The following SLC35E4 variants were observed in gnomAD, a reference collection of about 807,000 sequenced individuals.
SLC35E4 encodes the protein solute carrier family 35, member E4.
SLC35E4 carries 15 observed loss-of-function variants against 19.3 expected under a neutral mutation model. That is an observed-to-expected ratio of 0.78 (90% CI 0.52 to 1.20). The LOEUF is 1.20. Ranked by LOEUF, SLC35E4 falls within the 50% of genes most tolerant of loss-of-function variation. The pLI, the probability that SLC35E4 is intolerant of heterozygous loss-of-function variation, is 0.00. For synonymous variants in SLC35E4, 219 were observed against 219.9 expected (o/e 1.00, Z 0.04); for missense variants, 406 against 472.3 (o/e 0.86, Z 1.30).
chr22:30,638,457 G>A (rs866547833), intron 1 of SLC35E4, among the ~76,000 whole-genome samples: 10 of 121,718 alleles, frequency 8.2e-5, no homozygotes, highest in African/African-American at 2.6e-4. Flanking sequence ...AGCCAAGATC[G>A]CCCCACTGCA....
chr22:30,644,007 G>T (rs1420984165), intron 1 of SLC35E4, among the ~76,000 whole-genome samples: 1 of 152,178 alleles, frequency 6.6e-6, no homozygotes, highest in East Asian at 1.9e-4. Context: ...GAGGAGATGG[G>T]TGGGAAGTTT....
chr22:30,653,970 C>CT (rs2088277579), intron 2 of SLC35E4: 1 of 160,874 alleles, frequency 6.2e-6, no homozygotes, highest in Admixed American at 6.5e-5. Context: ...GCCTCATTAG[C>CT]TGTTTTGTTT....
downstream of SLC35E4, among the ~76,000 whole-genome samples, chr22:30,650,186 G>T (rs1000636128): frequency 3.0e-5 from 4 of 131,594 alleles, no homozygotes; most frequent in African/African-American, 1.2e-4. Context: ...ACAAAAATTA[G>T]CTGGGCATGG....
chr22:30,651,443 T>G (rs1437445928), downstream of SLC35E4, among the ~76,000 whole-genome samples: 1 of 99,128 alleles, frequency 1.0e-5, no homozygotes, highest in African/African-American at 3.6e-5. Flanking sequence ...TTTTTTTTTT[T>G]TTTTTTTTTT....
chr22:30,641,554 A>T (rs867365541), intron 1 of SLC35E4, among the ~76,000 whole-genome samples: 30 of 146,736 alleles, frequency 2.0e-4, no homozygotes, highest in African/African-American at 5.0e-4. Context: ...TTATTTTATT[A>T]TTTTTTTTTT....
downstream of SLC35E4, chr22:30,663,635 G>A (rs572091331): frequency 4.0e-5 from 64 of 1,614,254 alleles, no homozygotes; most frequent in East Asian, 1.6e-4. Context: ...GGGACATGGC[G>A]TGGTACTTCA....
downstream of SLC35E4, chr22:30,663,783 G>A (rs200899592): frequency 1.8e-4 from 286 of 1,614,198 alleles, no homozygotes; most frequent in Non-Finnish European, 2.3e-4. Context: ...TGAGTTAGGG[G>A]AGTCAGCCAC....
chr22:30,645,195 G>A (rs2088108000), intron 1 of SLC35E4, among the ~76,000 whole-genome samples: 1 of 152,192 alleles, frequency 6.6e-6, no homozygotes, highest in Non-Finnish European at 1.5e-5. Context: ...GGGACCCTCT[G>A]CTGGCCTGCC....
chr22:30,646,044 T>A (rs1322959397), intron 1 of SLC35E4, among the ~76,000 whole-genome samples: 2 of 150,806 alleles, frequency 1.3e-5, no homozygotes, highest in South Asian at 2.1e-4. Context: ...CTCAAACTCC[T>A]GGGCTCAAGC....
chr22:30,637,106 C>T, intron 1 of SLC35E4, 37 bp downstream of exon 1: 1 of 1,535,090 alleles, frequency 6.5e-7, no homozygotes. Flanking sequence ...AGGTGGGGGT[C>T]CGGGTGGGTG....
Position 30,636,364 on chromosome 22 carries a change from A to C in SLC35E4, c.-87A>C. ...GGGACACGGGGTCGGAGGAACCAGG[A>C]TCTAGCCTGGCCCCAAGCGGAACTC... On this transcript the variant is annotated 5_prime_UTR_variant, in exon 1 of 2. Transcript: ENST00000343605. 7.0e-7 allele frequency: 1 copy of C among 1,426,200 alleles called. No individual in the cohort carries two copies. The highest frequency in any genetic ancestry group is 9.2e-7 in the Non-Finnish European group (1 of 1,090,468). 88.3% of individuals were successfully genotyped at this position (1,426,200 alleles called of 1,614,324 possible).
Position 30,637,067 on chromosome 22 carries a change from A to G in SLC35E4, c.617A>G (p.Gln206Arg). The change falls in exon 1 of 2, where the codon CAA (glutamine) becomes CGA (arginine). Residue 206 changes from glutamine to arginine, a missense_variant and splice_region_variant. By Grantham distance (43) the Gln-to-Arg change is conservative. Transcript: ENST00000343605. ...TCLRGLKSVQQSALLQEERLD... is the reference protein window; with the variant it reads ...TCLRGLKSVQRSALLQEERLD... ...CTCCGCGGACTCAAGTCGGTTCAGC[A>G]AAGTAAGTGCCTGGGTGGCCAATTG... The G allele has an allele frequency of 6.4e-7, 1 of 1,560,502 alleles. No individual in the cohort carries two copies. The highest frequency in any genetic ancestry group is 8.7e-7 in the Non-Finnish European group (1 of 1,149,216).
downstream of SLC35E4, among the ~76,000 whole-genome samples, chr22:30,649,580 C>T (rs778756295): frequency 1.5e-5 from 2 of 134,554 alleles, no homozygotes; most frequent in Non-Finnish European, 3.3e-5. Flanking sequence ...AAGGGGAAGT[C>T]GGCCTGGGCT....
At chr22:30,652,339 G>A (rs1432918735), downstream of SLC35E4, 3 of 152,210 alleles carry the variant, frequency 2.0e-5, no homozygotes, top group Non-Finnish European at 4.4e-5. Flanking sequence ...GCAGTTTAGG[G>A]AAGGTCAGAA....
At chr22:30,638,823 G>A (rs1489897562) in intron 1 of SLC35E4, among the ~76,000 whole-genome samples, 1 of 151,862 alleles carries the variant, frequency 6.6e-6, no homozygotes, top group African/African-American at 2.4e-5. Context: ...AAAATTAGCC[G>A]GGCCAGGTGG....
At chr22:30,662,334 G>T (rs2088501470) in exon 3 of SLC35E4, 1 of 152,212 alleles carries the variant, frequency 6.6e-6, no homozygotes. Context: ...TGAAGAGGAG[G>T]TGACAGGGCT....
downstream of SLC35E4, chr22:30,667,153 T>C (rs1034114734): frequency 1.3e-5 from 2 of 152,166 alleles, no homozygotes; most frequent in Non-Finnish European, 2.9e-5. Flanking sequence ...AGCAACCTAA[T>C]CAGACCGGCG....
At chr22:30,653,229 G>A (rs1272176374) in intron 2 of SLC35E4, among the ~76,000 whole-genome samples, 5 of 152,122 alleles carry the variant, frequency 3.3e-5, no homozygotes, top group South Asian at 4.2e-4. Context: ...ATGTTCTGAC[G>A]TTTCCAAGCC....
rs900187828 is a variant in SLC35E4, at chr22:30,636,299, G to T, written c.-152G>T. 8.9e-7 allele frequency: 1 copy of T among 1,127,146 alleles called. No individual in the cohort carries two copies. The highest frequency in any genetic ancestry group is 1.2e-6 in the Non-Finnish European group (1 of 825,980). 69.8% of individuals were successfully genotyped at this position (1,127,146 alleles called of 1,614,324 possible). A position where few individuals can be genotyped will look rare whatever the true frequency, so the allele number is the denominator to read the frequency against. On this transcript the variant is annotated 5_prime_UTR_variant, in exon 1 of 2. It adds an upstream start codon to the 5' untranslated region. Transcript: ENST00000343605. The stretch of plus-strand genomic sequence containing the variant: ...TTAGCTTCTAGACATCGCTGGCACA[G>T]GCCTGGCACAAGTAAGCAGTGTCCT...
Sources: gnomAD v4.1 joint callset for allele counts (sites outside exome capture counted in the v4.1 genomes callset) on GRCh38, gnomAD v4.1.1 for gene constraint, MANE v1.5 for transcripts, NCBI Gene and HGNC (gene_info 2026-07-23, HGNC 2026-07-21) for gene names.